PAPLN: variants seen among roughly 807,000 people sequenced by gnomAD.
PAPLN encodes the protein papilin.
In PAPLN, 146 loss-of-function variants were observed where a neutral mutation model predicts 159.0. The ratio of observed to expected loss-of-function variants is 0.92; its 90% CI spans 0.80 to 1.05. The LOEUF is 1.05. Among genes scored for constraint, PAPLN ranks in the 50% least tolerant of loss-of-function variants. PAPLN has a pLI of 0.00. For synonymous variants in PAPLN, 734 were observed against 702.9 expected (o/e 1.04, Z -0.70); for missense variants, 1,720 against 1,743.9 (o/e 0.99, Z 0.24).
intron 5 of PAPLN, among the ~76,000 whole-genome samples, chr14:73,248,683 ATGGT>A (rs1362745602): frequency 6.6e-6 from 1 of 152,132 alleles, no homozygotes; most frequent in African/African-American, 2.4e-5. Context: ...TTAGCTAGGC[ATGGT>A]TGCACACCCA....
intron 16 of PAPLN, 112 bp from the exon 17 acceptor site, chr14:73,260,597 C>CA (rs1379684969): frequency 7.6e-7 from 1 of 1,320,246 alleles, no homozygotes; most frequent in Admixed American, 2.9e-5. Flanking sequence ...CTCTCCCCCC[C>CA]AGGTCCCCAC....
chr14:73,238,494 C>A (rs1265550876), intron 1 of PAPLN, among the ~76,000 whole-genome samples: 1 of 152,246 alleles, frequency 6.6e-6, no homozygotes, highest in African/African-American at 2.4e-5. Flanking sequence ...GCTTGGAGTT[C>A]AGTGAAATTG....
intron 2 of PAPLN, 133 bp from the exon 3 acceptor site, chr14:73,244,511 A>T (rs1883967986): frequency 1.4e-6 from 1 of 708,948 alleles, no homozygotes; most frequent in Non-Finnish European, 2.4e-6. Flanking sequence ...TGAGTCCTAA[A>T]GGTGGGCCCT....
At chr14:73,268,154 G>C (rs1277085684) in intron 25 of PAPLN, among the ~76,000 whole-genome samples, 3 of 151,728 alleles carry the variant, frequency 2.0e-5, no homozygotes, top group Non-Finnish European at 4.4e-5. Context: ...TGTGCCTCAG[G>C]GCCTGTCCTT....
chr14:73,248,662 G>A lies in PAPLN; in HGVS notation c.335-1322G>A, dbSNP rs552809550. Among the ~76,000 whole-genome samples the A allele has an allele frequency of 3.9e-5, 6 of 152,004 alleles. No homozygotes were observed. In the East Asian group the frequency reaches 1.2e-3, roughly 29 times the overall value. ...TACCAAAAATACGAAGATTAGCCAG[G>A]CATACAAAGATTAGCTAGGCATGGT... On this transcript the variant is annotated intron_variant, in intron 5 of 26. Transcript: ENST00000644200.
chr14:73,263,575 C>T lies in PAPLN; in HGVS notation c.2724-70C>T, dbSNP rs569757603. The T allele has an allele frequency of 3.1e-6, 5 of 1,598,162 alleles. No homozygotes were observed. In the Admixed American group the frequency reaches 6.7e-5, roughly 21 times the overall value. ...GGGCCCCAAGCTGTCTGTCATGGAA[C>T]ACACTGCTTAGGGTGGTTCTGGTCC... is the stretch of plus-strand genomic sequence containing the variant. On this transcript the variant is annotated intron_variant, in intron 19 of 26. Coordinates refer to ENST00000644200, the MANE Select transcript of PAPLN (RefSeq NM_001365906.3).
Position 73,254,947 on chromosome 14 carries a change from G to T in PAPLN, c.1556G>T (p.Cys519Phe). Reference protein sequence around the residue: ...VICAIGPPSHCGSLQHSKPVD... With the variant: ...VICAIGPPSHFGSLQHSKPVD... ...TGTGCCATTGGGCCGCCCAGCCACT[G>T]CGGGAGCCTGCAGCACTCCAAGCCT... The change falls in exon 14 of 27, where the codon TGC becomes TTC. Residue 519 changes from cysteine (C) to phenylalanine (F), a missense_variant. Coordinates refer to ENST00000644200, the MANE Select transcript of PAPLN (RefSeq NM_001365906.3). The T allele has an allele frequency of 6.2e-7, 1 of 1,613,604 alleles. No homozygotes were observed. Among genetic ancestry groups the T allele is most frequent in the Non-Finnish European group, 8.5e-7 (1 of 1,179,990 alleles).
intron 14 of PAPLN, 115 bp downstream of exon 14, chr14:73,255,133 A>G: frequency 7.2e-7 from 1 of 1,381,140 alleles, no homozygotes; most frequent in African/African-American, 1.4e-5. Flanking sequence ...ATCCCTCTGG[A>G]CCCCACTTCT....
At position 73,254,670 on chromosome 14, in the gene PAPLN, C is replaced by T; in HGVS notation, c.1460C>T (p.Ala487Val). 1 of 1,613,902 alleles carries T rather than the reference C, an allele frequency of 6.2e-7. No individual in the cohort carries two copies. The highest frequency in any genetic ancestry group is 1.3e-5 in the African/African-American group (1 of 75,028). The change falls in exon 13 of 27, where the codon GCC (alanine) becomes GTC (valine). Residue 487 changes from alanine (A) to valine (V), a missense_variant. By Grantham distance (64) the Ala-to-Val change is moderately conservative (BLOSUM62 0). Transcript: ENST00000644200. ...GACTGCCCCCTCCTCAGTGACCAGG[C>T]CTGGCATGTTGGCACCTGGGGTCTA... ...HEDCPLLSDQ[A>V]WHVGTWGLCS...
chr14:73,248,983 T>G (rs969723128), intron 5 of PAPLN, among the ~76,000 whole-genome samples: 1 of 151,944 alleles, frequency 6.6e-6, no homozygotes, highest in Non-Finnish European at 1.5e-5. Flanking sequence ...ATAAAAAAAT[T>G]AGCTGGGTAT....
At chr14:73,236,522 A>G (rs1040102409), upstream of PAPLN, among the ~76,000 whole-genome samples, 28 of 152,148 alleles carry the variant, frequency 1.8e-4, no homozygotes, top group Admixed American at 1.3e-4. Flanking sequence ...TCTATTTAAA[A>G]AAAGAAGAAG....
chr14:73,267,337 C>A (rs773298280), intron 25 of PAPLN, among the ~76,000 whole-genome samples: 1 of 152,184 alleles, frequency 6.6e-6, no homozygotes, highest in African/African-American at 2.4e-5. Flanking sequence ...ATTTAGCAGC[C>A]ATTTTTTGCC....
chr14:73,252,668 G>A lies in PAPLN; in HGVS notation c.987G>A (p.Val329=), dbSNP rs1443047699. The A allele has an allele frequency of 3.1e-6, 5 of 1,613,240 alleles. No homozygotes were observed. The highest frequency in any genetic ancestry group is 1.1e-5 in the South Asian group (1 of 91,082). ...GCGCAGGTCACCAGTCCCGCCTGGTGTTCTGCACCATCGACCATGAGGCCT... is the reference window on the plus strand; with the variant it reads ...GCGCAGGTCACCAGTCCCGCCTGGTATTCTGCACCATCGACCATGAGGCCT... ...ECGGGHQSRL[V]FCTIDHEAYP... is the part of the protein sequence containing the mutation. Residue 329 remains valine, a synonymous_variant, in exon 11 of 27, where the codon GTG becomes GTA. Coordinates refer to ENST00000644200, the MANE Select transcript of PAPLN (RefSeq NM_001365906.3).
chr14:73,255,747 T>G (rs575643251), intron 14 of PAPLN, among the ~76,000 whole-genome samples: 1 of 152,172 alleles, frequency 6.6e-6, no homozygotes, highest in South Asian at 2.1e-4. Flanking sequence ...CTCTATGAGC[T>G]GTAGGGACCT....
At position 73,246,060 on chromosome 14, in the gene PAPLN, C is replaced by T. The variant is rs1238315046; in HGVS notation, c.232-13C>T. The T allele has an allele frequency of 6.6e-7, 1 of 1,526,714 alleles. No homozygotes were observed. Among genetic ancestry groups the T allele is most frequent in the Admixed American group, 2.1e-5 (1 of 48,622 alleles). 94.6% of individuals were successfully genotyped at this position (1,526,714 alleles called of 1,614,324 possible). ...CCGCCCTCCTGGATCCCGACTTCCC[C>T]TCCGCCCCGCAGAGCTGCCCCGACG... is the stretch of plus-strand genomic sequence containing the variant. On this transcript the variant is annotated splice_polypyrimidine_tract_variant and intron_variant, in intron 4 of 26. Transcript: ENST00000644200.
In PAPLN at chr14:73,251,817, C is replaced by T. The variant is rs370521914; in HGVS notation, c.824C>T (p.Ser275Leu). Residue 275 changes from serine (S) to leucine (L), a missense_variant, in exon 9 of 27, where the codon TCG becomes TTG. Ser to Leu is a moderately radical substitution (Grantham distance 145). Coordinates refer to ENST00000644200, the MANE Select transcript of PAPLN (RefSeq NM_001365906.3). ...PERLHARGPT[S>L]EPLVIELISQ... ...CGACTCCATGCCCGGGGCCCCACCT[C>T]GGAGCCCCTGGTCATCGAGGTAAAT... The T allele has an allele frequency of 9.8e-5, 156 of 1,597,062 alleles. 2 individuals carry two copies. In the African/African-American group the frequency reaches 1.9e-3, roughly 19 times the overall value.
At chr14:73,257,700 C>T (rs768629987) in intron 14 of PAPLN, among the ~76,000 whole-genome samples, 1 of 151,170 alleles carries the variant, frequency 6.6e-6, no homozygotes, top group Non-Finnish European at 1.5e-5. Flanking sequence ...CTATCTCAAT[C>T]CCACAACTAG....
Position 73,264,735 on chromosome 14 carries a change from T to C in PAPLN, c.3125+9T>C. 1.2e-6 allele frequency: 2 copies of C among 1,611,598 alleles called. No homozygotes were observed. Among genetic ancestry groups the C allele is most frequent in the Non-Finnish European group, 1.7e-6 (2 of 1,179,404 alleles). ...CCACAGCCTGCAAACAGGTAAGAACTCAGCAATGCCATCTTGCCCTCCCCC... is the reference window on the plus strand; with the variant it reads ...CCACAGCCTGCAAACAGGTAAGAACCCAGCAATGCCATCTTGCCCTCCCCC... On this transcript the variant is annotated intron_variant, in intron 22 of 26. Transcript: ENST00000644200.
chr14:73,245,204 T>G lies in PAPLN; in HGVS notation c.171-432T>G. ...GTGGGGCACAGAAGGAGTAGTGAGGTGCCTCTGTCCCGGTTTGTATAGGGG... is the reference window on the plus strand; with the variant it reads ...GTGGGGCACAGAAGGAGTAGTGAGGGGCCTCTGTCCCGGTTTGTATAGGGG... On this transcript the variant is annotated intron_variant, in intron 3 of 26. Coordinates refer to ENST00000644200, the MANE Select transcript of PAPLN (RefSeq NM_001365906.3). This position sits in a 1 kb window ranked among gnomAD's most constrained non-coding sequence, Gnocchi z 4.2. The G allele has an allele frequency of 4.8e-6, 1 of 207,802 alleles. No homozygotes were observed. Among genetic ancestry groups the G allele is most frequent in the Non-Finnish European group, 9.8e-6 (1 of 101,584 alleles). 12.9% of individuals were successfully genotyped at this position (207,802 alleles called of 1,614,324 possible).
Sources: allele counts gnomAD v4.1 joint callset (sites outside exome capture counted in the v4.1 genomes callset), GRCh38; gene constraint gnomAD v4.1.1; non-coding constraint Gnocchi (gnomAD v3.1); transcripts MANE v1.5; gene names NCBI Gene and HGNC (gene_info 2026-07-23, HGNC 2026-07-21).